Variants in OLFM2 observed in about 807,000 individuals in gnomAD.
The protein encoded by OLFM2 is noelin-2.
In OLFM2, 20 loss-of-function variants were observed where a neutral mutation model predicts 43.9. The ratio of observed to expected loss-of-function variants is 0.46; its 90% CI spans 0.32 to 0.66. The LOEUF (loss-of-function observed/expected upper bound fraction) is 0.66, where lower values mean the gene tolerates loss of function less well. OLFM2 is among the 30% of genes least tolerant of loss of function. The pLI, the probability that OLFM2 is intolerant of heterozygous loss-of-function variation, is 0.04. For synonymous variants in OLFM2, 268 were observed against 278.6 expected, an observed-to-expected ratio of 0.96 and a Z score of 0.38; for missense variants, 416 against 643.6, an observed-to-expected ratio of 0.65 and a Z score of 3.83.
At chr19:9,929,116 C>G (rs987514020) in intron 1 of OLFM2, among the ~76,000 whole-genome samples, 26 of 152,224 alleles carry the variant, frequency 1.7e-4, no homozygotes, top group African/African-American at 6.0e-4. Flanking sequence ...TGTTCTCAGA[C>G]AAGAGTTCCC....
chr19:9,890,744 G>C (rs2046631732), intron 1 of OLFM2, among the ~76,000 whole-genome samples: 1 of 152,110 alleles, frequency 6.6e-6, no homozygotes. Flanking sequence ...CTTGAGGCCA[G>C]GAGTTTGAGA....
chr19:9,860,028 G>A (rs2046354882), intron 2 of OLFM2, among the ~76,000 whole-genome samples: 1 of 152,122 alleles, frequency 6.6e-6, no homozygotes, highest in Admixed American at 6.5e-5. Flanking sequence ...TGTAATCCCA[G>A]CTACTCGGGA....
At chr19:9,916,565 T>C (rs191016168) in intron 1 of OLFM2, among the ~76,000 whole-genome samples, 1 of 152,164 alleles carries the variant, frequency 6.6e-6, no homozygotes, top group Non-Finnish European at 1.5e-5. Context: ...GCCCAGGTTT[T>C]GAAACCAGGA....
At chr19:9,868,065 G>T (rs1392085016) in intron 1 of OLFM2, among the ~76,000 whole-genome samples, 1 of 142,062 alleles carries the variant, frequency 7.0e-6, no homozygotes, top group Admixed American at 6.9e-5. Flanking sequence ...ACTAAACCAG[G>T]CTAATTTTTT....
At chr19:9,880,359 C>T (rs570457770) in intron 1 of OLFM2, among the ~76,000 whole-genome samples, 5 of 152,272 alleles carry the variant, frequency 3.3e-5, no homozygotes, top group Non-Finnish European at 2.9e-5. Flanking sequence ...CCAGGAGACG[C>T]GCAGACATCC....
intron 1 of OLFM2, among the ~76,000 whole-genome samples, chr19:9,884,823 C>G (rs541417347): frequency 6.6e-6 from 1 of 152,308 alleles, no homozygotes; most frequent in Non-Finnish European, 1.5e-5. Flanking sequence ...AGTCTGTCTT[C>G]TTCCATGCTA....
At chr19:9,883,935 G>T (rs537799189) in intron 1 of OLFM2, among the ~76,000 whole-genome samples, 1 of 152,124 alleles carries the variant, frequency 6.6e-6, no homozygotes, top group African/African-American at 2.4e-5. Flanking sequence ...GGGCAGTCAC[G>T]GAGGTTGAAC....
At chr19:9,915,678 C>T (rs946077943) in intron 1 of OLFM2, among the ~76,000 whole-genome samples, 15 of 151,944 alleles carry the variant, frequency 9.9e-5, no homozygotes, top group African/African-American at 2.4e-4. Context: ...CCACCACGCC[C>T]GGCTAATTTT....
At chr19:9,917,447 G>C (rs2086391350) in intron 1 of OLFM2, among the ~76,000 whole-genome samples, 1 of 152,128 alleles carries the variant, frequency 6.6e-6, no homozygotes, top group Non-Finnish European at 1.5e-5. Context: ...TGGCTTCCTG[G>C]TCGGTTTATC....
At position 9,935,631 on chromosome 19, in the gene OLFM2, C is replaced by T. The variant is rs565541879; in HGVS notation, c.63+673G>A. ...GGCTCTCACACGGCCACACACCTGG[C>T]CACACACGTATTGTACAACACCCAG... On this transcript the variant is annotated intron_variant, in intron 1 of 5. Transcript: ENST00000264833. 3.3e-5 allele frequency among the ~76,000 whole-genome samples: 5 copies of T among 152,232 alleles called. 1 individual carries two copies. The South Asian group carries it at 1.0e-3, about 32-fold the overall frequency.
At chr19:9,870,471 C>A (rs2145443549) in intron 1 of OLFM2, among the ~76,000 whole-genome samples, 1 of 152,296 alleles carries the variant, frequency 6.6e-6, no homozygotes, top group East Asian at 1.9e-4. Flanking sequence ...AGAATATCTC[C>A]TTGCTATAAC....
chr19:9,886,787 C>T (rs1456420428), intron 1 of OLFM2, among the ~76,000 whole-genome samples: 1 of 151,914 alleles, frequency 6.6e-6, no homozygotes, highest in African/African-American at 2.4e-5. Context: ...TGGGTCCAAG[C>T]GACTCTCCTG....
intron 1 of OLFM2, among the ~76,000 whole-genome samples, chr19:9,881,752 C>G (rs1162589623): frequency 1.3e-5 from 2 of 151,906 alleles, no homozygotes; most frequent in African/African-American, 4.8e-5. Context: ...CCCACCTCAG[C>G]CTCCCAAAGT....
chr19:9,923,686 A>G (rs909424593), intron 1 of OLFM2, among the ~76,000 whole-genome samples: 1 of 148,560 alleles, frequency 6.7e-6, no homozygotes, highest in African/African-American at 2.6e-5. Context: ...AAAGAAAAGA[A>G]AGAAAAAAGA....
chr19:9,900,915 G>GAGGGAA (rs567844952), intron 1 of OLFM2, among the ~76,000 whole-genome samples: 109 of 131,930 alleles, frequency 8.3e-4, no homozygotes, highest in Admixed American at 1.4e-3. Context: ...GAGGGAAGGG[G>GAGGGAA]AGGGAAAGGG....
chr19:9,902,830 T>C (rs1244534884), intron 1 of OLFM2, among the ~76,000 whole-genome samples: 1 of 152,050 alleles, frequency 6.6e-6, no homozygotes, highest in East Asian at 1.9e-4. Flanking sequence ...TGCACCACCA[T>C]GCCTGGCTAA....
rs114293458 is a variant in OLFM2 at position 9,863,347 on chromosome 19, G to T, written c.64-2553C>A. Reference sequence around the variant, plus strand: ...CCCTGAGGAAGGTGGGAGCCATGGAGGGTTCTGTGCAGAGGCGAGACGTGA... The same window carrying T: ...CCCTGAGGAAGGTGGGAGCCATGGATGGTTCTGTGCAGAGGCGAGACGTGA... On this transcript the variant is annotated intron_variant, in intron 1 of 5. Coordinates refer to ENST00000264833, the MANE Select transcript of OLFM2 (RefSeq NM_058164.4). 5.9e-3 allele frequency among the ~76,000 whole-genome samples: 894 copies of T among 152,166 alleles called. 4 individuals are homozygous for T. Among genetic ancestry groups the T allele is most frequent in the African/African-American group, 0.021 (852 of 41,510 alleles).
At chr19:9,897,489 C>A (rs1364532965) in intron 1 of OLFM2, among the ~76,000 whole-genome samples, 3 of 152,044 alleles carry the variant, frequency 2.0e-5, no homozygotes, top group Non-Finnish European at 4.4e-5. Flanking sequence ...CAGAATGAGA[C>A]TCTGTCTCAA....
chr19:9,900,975 GAA>G (rs1470252320), intron 1 of OLFM2, among the ~76,000 whole-genome samples: 2 of 50,774 alleles, frequency 3.9e-5, no homozygotes, highest in East Asian at 6.4e-4. Flanking sequence ...AGGAAGGAAG[GAA>G]GGAAGGAAGG....
Sources: allele counts gnomAD v4.1 joint callset (sites outside exome capture counted in the v4.1 genomes callset), GRCh38; gene constraint gnomAD v4.1.1; transcripts MANE v1.5; gene names NCBI Gene and HGNC (gene_info 2026-07-23, HGNC 2026-07-21).